The following EMID1 variants were observed in gnomAD, a reference collection of about 807,000 sequenced individuals.
The protein encoded by EMID1 is EMI domain-containing protein 1.
EMID1 carries 40 observed loss-of-function variants against 60.6 expected under a neutral mutation model. The ratio of observed to expected loss-of-function variants is 0.66; its 90% CI spans 0.51 to 0.86. EMID1 has a LOEUF of 0.86. Ranked by LOEUF, EMID1 falls within the 40% of genes least tolerant of loss-of-function variation. The pLI is 0.00. For missense variants in EMID1, 585 were observed against 597.1 expected (o/e 0.98, Z 0.21); for synonymous variants, 242 against 231.0 (o/e 1.05, Z -0.43).
chr22:29,208,869 C>T (rs778986054), intron 1 of EMID1, among the ~76,000 whole-genome samples: 8 of 152,164 alleles, frequency 5.3e-5, no homozygotes, highest in African/African-American at 1.2e-4. Flanking sequence ...TAGCTGTTAG[C>T]GCTGTGCTAA....
At chr22:29,223,086 G>A (rs748719646) in intron 3 of EMID1, among the ~76,000 whole-genome samples, 2 of 151,890 alleles carry the variant, frequency 1.3e-5, no homozygotes, top group African/African-American at 2.4e-5. Flanking sequence ...GCGAGACTCC[G>A]TCTCAAAAAA....
At chr22:29,220,704 G>A (rs556125772) in intron 3 of EMID1, among the ~76,000 whole-genome samples, 103 of 151,996 alleles carry the variant, frequency 6.8e-4, no homozygotes, top group Non-Finnish European at 1.4e-3. Context: ...CCAATTTAGG[G>A]CAAGATTGGA....
chr22:29,231,832 C>A (rs1321433587), intron 7 of EMID1, 150 bp downstream of exon 7: 2 of 706,418 alleles, frequency 2.8e-6, no homozygotes, highest in African/African-American at 1.8e-5. Flanking sequence ...GCCCTGCCCA[C>A]GCCTGGGCTC....
intron 1 of EMID1, among the ~76,000 whole-genome samples, chr22:29,212,711 C>T (rs1283057629): frequency 2.6e-5 from 4 of 151,976 alleles, no homozygotes; most frequent in Non-Finnish European, 5.9e-5. Flanking sequence ...TTACAGGCTC[C>T]CACCATCACA....
intron 3 of EMID1, among the ~76,000 whole-genome samples, chr22:29,222,125 G>T (rs1307160547): frequency 6.6e-6 from 1 of 152,052 alleles, no homozygotes; most frequent in Admixed American, 6.6e-5. Flanking sequence ...ATTTTTTTTA[G>T]ATAGGGTCTC....
chr22:29,230,792 T>C (rs1249952753), intron 5 of EMID1, among the ~76,000 whole-genome samples: 2 of 152,124 alleles, frequency 1.3e-5, no homozygotes, highest in Non-Finnish European at 2.9e-5. Context: ...TCTCTACAAA[T>C]AATTTTTTTT....
chr22:29,232,445 G>T (rs1304229576), intron 8 of EMID1, 43 bp downstream of exon 8: 1 of 1,508,928 alleles, frequency 6.6e-7, no homozygotes, highest in South Asian at 1.3e-5. Flanking sequence ...TGGGGGTGGA[G>T]TAGCCATCAG....
At chr22:29,249,461 C>T (rs2041442250) in intron 13 of EMID1, among the ~76,000 whole-genome samples, 1 of 152,084 alleles carries the variant, frequency 6.6e-6, no homozygotes, top group East Asian at 1.9e-4. Context: ...TTAGTAAAGA[C>T]AGGGTTTCAC....
In EMID1 at chr22:29,228,012, C is replaced by T. The variant is rs369992880; in HGVS notation, c.465+1461C>T. Among the ~76,000 whole-genome samples, 53 of 152,076 alleles carry T rather than the reference C, an allele frequency of 3.5e-4. 1 individual carries two copies. Among genetic ancestry groups the T allele is most frequent in the African/African-American group, 1.1e-3 (47 of 41,494 alleles). ...CTCTACTAAAAATACAAAAATTAGCCGGGCATGGTGGCGCATGCCTGTAAT... is the reference window on the plus strand; with the variant it reads ...CTCTACTAAAAATACAAAAATTAGCTGGGCATGGTGGCGCATGCCTGTAAT... On this transcript the variant is annotated intron_variant, in intron 5 of 14. Transcript: ENST00000334018.
chr22:29,251,382 A>T (rs1478075355), intron 13 of EMID1, among the ~76,000 whole-genome samples: 3 of 143,400 alleles, frequency 2.1e-5, no homozygotes, highest in Non-Finnish European at 4.6e-5. Context: ...GCATCTGGCC[A>T]TTTTTTTTTT....
intron 12 of EMID1, 105 bp from the exon 13 acceptor site, chr22:29,243,340 C>CT (rs2041218832): frequency 8.6e-7 from 1 of 1,162,408 alleles, no homozygotes; most frequent in Non-Finnish European, 1.2e-6. Context: ...TTCTGTTTCT[C>CT]TAAGTTTCTC....
intron 10 of EMID1, 147 bp downstream of exon 10, chr22:29,233,813 A>G: frequency 4.9e-6 from 4 of 818,660 alleles, no homozygotes; most frequent in Non-Finnish European, 7.6e-6. Flanking sequence ...ACAAGTATTT[A>G]TTGAGCACTT....
intron 14 of EMID1, among the ~76,000 whole-genome samples, chr22:29,256,657 G>A (rs926624405): frequency 1.3e-5 from 2 of 152,000 alleles, no homozygotes; most frequent in East Asian, 1.9e-4. Flanking sequence ...GCAGGGAATC[G>A]TATCTACGGA....
chr22:29,214,905 C>G (rs1336188425), intron 1 of EMID1, 21 bp from the exon 2 acceptor site: 2 of 1,491,248 alleles, frequency 1.3e-6, no homozygotes, highest in Non-Finnish European at 1.8e-6. Flanking sequence ...CCTGAGTTTC[C>G]TCTCTTTGGG....
chr22:29,245,672 T>C (rs529470173), intron 13 of EMID1, among the ~76,000 whole-genome samples: 49 of 152,264 alleles, frequency 3.2e-4, no homozygotes, highest in Admixed American at 2.9e-3. Flanking sequence ...CCAACTCCCT[T>C]AGTGCAGCTT....
intron 5 of EMID1, among the ~76,000 whole-genome samples, chr22:29,229,616 C>G (rs1286451410): frequency 6.8e-6 from 1 of 146,402 alleles, no homozygotes; most frequent in Non-Finnish European, 1.5e-5. Flanking sequence ...GCACTCCAGC[C>G]TGGGCAACAA....
rs749849046 is a variant in EMID1, at chr22:29,231,627, C to T, written c.621C>T (p.Thr207=). The T allele has an allele frequency of 7.9e-6, 12 of 1,513,314 alleles. No individual in the cohort carries two copies. Among genetic ancestry groups the T allele is most frequent in the African/African-American group, 2.8e-5 (2 of 72,352 alleles). 93.7% of individuals were successfully genotyped at this position (1,513,314 alleles called of 1,614,324 possible). A position where few individuals can be genotyped will look rare whatever the true frequency, so the allele number is the denominator to read the frequency against. Residue 207 remains threonine, a synonymous_variant, in exon 7 of 15, where the codon ACC becomes ACT. Coordinates refer to ENST00000334018, the MANE Select transcript of EMID1 (RefSeq NM_133455.4). ...GTGCTTGGGGGCTTCCCGGGCCCACCGGCCCCAAGGGAGATGCCGGCAGTC... is the reference window on the plus strand; with the variant it reads ...GTGCTTGGGGGCTTCCCGGGCCCACTGGCCCCAAGGGAGATGCCGGCAGTC... ...QVGAWGLPGP[T]GPKGDAGSRG... is the part of the protein sequence containing the mutation.
intron 1 of EMID1, 46 bp from the exon 2 acceptor site, chr22:29,214,880 G>A: frequency 7.1e-7 from 1 of 1,404,792 alleles, no homozygotes; most frequent in Non-Finnish European, 9.6e-7. Flanking sequence ...CCCCAGCAGG[G>A]GACCCTGTGT....
chr22:29,212,906 G>A (rs183551183), intron 1 of EMID1, among the ~76,000 whole-genome samples: 259 of 152,288 alleles, frequency 1.7e-3, no homozygotes, highest in South Asian at 3.3e-3. Context: ...TTAACTGAGC[G>A]AACACGTGGA....
Sources: gnomAD v4.1 joint callset for allele counts (sites outside exome capture counted in the v4.1 genomes callset) on GRCh38, gnomAD v4.1.1 for gene constraint, MANE v1.5 for transcripts, NCBI Gene and HGNC (gene_info 2026-07-23, HGNC 2026-07-21) for gene names.